The following SPAG16 variants were observed in gnomAD, a reference collection of about 807,000 sequenced individuals.
SPAG16 encodes sperm-associated antigen 16 protein.
Under a neutral mutation model 80.4 loss-of-function variants are expected in SPAG16, and 86 were observed. That is an observed-to-expected ratio of 1.07 (90% CI 0.90 to 1.28). The LOEUF (loss-of-function observed/expected upper bound fraction) is 1.28, where lower values mean the gene tolerates loss of function less well. Among genes scored for constraint, SPAG16 ranks in the 50% most tolerant of loss-of-function variants. The probability of loss-of-function intolerance (pLI) is 0.00; values close to 1 mark genes in which losing one functional copy is unlikely to be tolerated. For synonymous variants in SPAG16, 294 were observed against 265.9 expected (o/e 1.11, Z -1.03); for missense variants, 870 against 765.3 (o/e 1.14, Z -1.61).
chr2:213,856,664 A>G (rs1485258574), intron 10 of SPAG16, among the ~76,000 whole-genome samples: 2 of 152,148 alleles, frequency 1.3e-5, no homozygotes, highest in Non-Finnish European at 2.9e-5. Flanking sequence ...TAAGCTGCCA[A>G]TGTTTGGGCC....
chr2:213,454,361 T>C (rs2125587503), intron 9 of SPAG16, among the ~76,000 whole-genome samples: 1 of 152,304 alleles, frequency 6.6e-6, no homozygotes, highest in Admixed American at 6.5e-5. Context: ...CCTTTGGTTT[T>C]TAATCCATAT....
intron 14 of SPAG16, among the ~76,000 whole-genome samples, chr2:214,119,653 T>G (rs569027893): frequency 6.6e-6 from 1 of 152,090 alleles, no homozygotes; most frequent in Admixed American, 6.6e-5. Flanking sequence ...AAATTAGTCA[T>G]GTAAATCTTT....
intron 10 of SPAG16, among the ~76,000 whole-genome samples, chr2:213,839,394 A>AT (rs1166076804): frequency 1.3e-5 from 2 of 152,094 alleles, no homozygotes; most frequent in Non-Finnish European, 2.9e-5. Flanking sequence ...TTTTTTTATG[A>AT]TTTTTTCCAT....
chr2:213,976,692 G>A (rs947048056), intron 12 of SPAG16, among the ~76,000 whole-genome samples: 2 of 151,972 alleles, frequency 1.3e-5, no homozygotes, highest in Non-Finnish European at 2.9e-5. Flanking sequence ...CCATATGAAA[G>A]GCTTGAAGAG....
intron 14 of SPAG16, among the ~76,000 whole-genome samples, chr2:214,147,288 T>A (rs2055695925): frequency 6.6e-6 from 1 of 152,160 alleles, no homozygotes; most frequent in African/African-American, 2.4e-5. Context: ...TAAAACTATT[T>A]ACCTACTCAT....
At chr2:214,292,325 T>C (rs1693860038) in intron 15 of SPAG16, among the ~76,000 whole-genome samples, 1 of 152,164 alleles carries the variant, frequency 6.6e-6, no homozygotes, top group Non-Finnish European at 1.5e-5. Flanking sequence ...TATTGTTTTT[T>C]TAAATAGGAT....
intron 9 of SPAG16, among the ~76,000 whole-genome samples, chr2:213,440,171 G>A (rs1559135150): frequency 6.6e-6 from 1 of 152,164 alleles, no homozygotes; most frequent in Non-Finnish European, 1.5e-5. Flanking sequence ...CCATGAATAA[G>A]CAATATCAAC....
At chr2:213,684,399 T>G (rs2064558664) in intron 10 of SPAG16, among the ~76,000 whole-genome samples, 1 of 152,318 alleles carries the variant, frequency 6.6e-6, no homozygotes, top group Middle Eastern at 3.4e-3. Flanking sequence ...TAAAACTGAC[T>G]TCAGTATTTG....
chr2:213,867,320 A>G (rs888393006), intron 11 of SPAG16, among the ~76,000 whole-genome samples: 3 of 152,246 alleles, frequency 2.0e-5, no homozygotes, highest in Non-Finnish European at 4.4e-5. Context: ...GGGAATGTGC[A>G]TTAGCACTAT....
At chr2:214,159,358 A>G (rs186065620) in intron 15 of SPAG16, among the ~76,000 whole-genome samples, 1 of 152,142 alleles carries the variant, frequency 6.6e-6, no homozygotes, top group East Asian at 1.9e-4. Flanking sequence ...TGCAGTGCAC[A>G]CATACTGCAT....
chr2:214,201,412 G>C (rs1373349767), intron 15 of SPAG16, among the ~76,000 whole-genome samples: 3 of 152,276 alleles, frequency 2.0e-5, no homozygotes, highest in African/African-American at 7.2e-5. Flanking sequence ...CAAACTCTAA[G>C]CTTTCATATG....
chr2:214,350,556 G>A (rs1469732171), intron 15 of SPAG16, among the ~76,000 whole-genome samples: 1 of 152,166 alleles, frequency 6.6e-6, no homozygotes, highest in East Asian at 1.9e-4. Flanking sequence ...CTGATACCAA[G>A]AGGCTATATG....
intron 9 of SPAG16, among the ~76,000 whole-genome samples, chr2:213,409,238 T>G (rs1306784970): frequency 2.6e-5 from 4 of 152,136 alleles, no homozygotes; most frequent in Admixed American, 2.0e-4. Flanking sequence ...AAATGTTGTA[T>G]AATTTAAAAG....
At chr2:214,154,438 C>A (rs1480716859) in intron 15 of SPAG16, among the ~76,000 whole-genome samples, 1 of 150,506 alleles carries the variant, frequency 6.6e-6, no homozygotes, top group East Asian at 2.0e-4. Flanking sequence ...ATCGGAACCA[C>A]AATAGAAATC....
chr2:213,615,192 T>C (rs2061552417), intron 10 of SPAG16, among the ~76,000 whole-genome samples: 1 of 152,252 alleles, frequency 6.6e-6, no homozygotes, highest in East Asian at 1.9e-4. Context: ...GCAATCCTCA[T>C]GTCTTGCCAG....
At chr2:213,704,055 T>G (rs1279782539) in intron 10 of SPAG16, among the ~76,000 whole-genome samples, 1 of 152,196 alleles carries the variant, frequency 6.6e-6, no homozygotes, top group Non-Finnish European at 1.5e-5. Flanking sequence ...ATCCCCTTGT[T>G]CTTCTGGCTG....
chr2:214,026,014 G>A (rs1360644017), intron 13 of SPAG16, among the ~76,000 whole-genome samples: 1 of 151,464 alleles, frequency 6.6e-6, no homozygotes, highest in Non-Finnish European at 1.5e-5. Context: ...TGTAAGAAAT[G>A]TGGTAAGAGG....
At chr2:213,315,666 G>A (rs1601955) in intron 4 of SPAG16, among the ~76,000 whole-genome samples, 2,171 of 147,846 alleles carry the variant, frequency 0.015, 25 homozygotes, top group South Asian at 0.04. Context: ...TCTCAGTTTG[G>A]CTTTTATCTG....
At chr2:213,799,971 A>T (rs528861765) in intron 10 of SPAG16, among the ~76,000 whole-genome samples, 2 of 151,820 alleles carry the variant, frequency 1.3e-5, no homozygotes, top group East Asian at 3.9e-4. Flanking sequence ...AAAAAAAAAA[A>T]AAAAAGAAAA....
Sources: allele counts gnomAD v4.1 joint callset (sites outside exome capture counted in the v4.1 genomes callset), GRCh38; gene constraint gnomAD v4.1.1; transcripts MANE v1.5; gene names NCBI Gene and HGNC (gene_info 2026-07-23, HGNC 2026-07-21).